Variants in PHLDB2 observed in about 807,000 individuals in gnomAD.
The protein encoded by PHLDB2 is pleckstrin homology like domain family B member 2.
In PHLDB2, 71 loss-of-function variants were observed where a neutral mutation model predicts 123.6. The ratio of observed to expected loss-of-function variants is 0.57; its 90% confidence interval spans 0.47 to 0.70. The LOEUF is 0.70. PHLDB2 is among the 30% of genes least tolerant of loss of function. The probability of loss-of-function intolerance (pLI) is 0.00; values close to 1 mark genes in which losing one functional copy is unlikely to be tolerated. For missense variants in PHLDB2, 1,446 were observed against 1,519.5 expected, an observed-to-expected ratio of 0.95 and a Z score of 0.80; for synonymous variants, 547 against 541.6, an observed-to-expected ratio of 1.01 and a Z score of -0.14.
At chr3:111,859,955 C>T (rs940615794) in intron 1 of PHLDB2, 1 of 971,086 alleles carries the variant, frequency 1.0e-6, no homozygotes, top group Non-Finnish European at 1.2e-6. Flanking sequence ...CTGGGGTCGG[C>T]AGTGCCCAGG....
intron 1 of PHLDB2, among the ~76,000 whole-genome samples, chr3:111,877,038 A>G (rs1457377962): frequency 6.6e-6 from 1 of 152,166 alleles, no homozygotes; most frequent in African/African-American, 2.4e-5. Flanking sequence ...ATACGCTTGC[A>G]TGTGTCTTTA....
At chr3:111,948,729 A>C (rs893060378) in intron 9 of PHLDB2, among the ~76,000 whole-genome samples, 1 of 152,170 alleles carries the variant, frequency 6.6e-6, no homozygotes, top group African/African-American at 2.4e-5. Flanking sequence ...AATTATGTTT[A>C]ATACTTAGAA....
chr3:111,871,267 T>A (rs1351990623), intron 1 of PHLDB2, among the ~76,000 whole-genome samples: 1 of 152,188 alleles, frequency 6.6e-6, no homozygotes. Flanking sequence ...ATAATTGCAT[T>A]TATGTAGGCC....
rs144531330 is a variant in PHLDB2, at chr3:111,740,614, C to T, written c.-49+7911C>T. ...CTCTTGGGAAGAAGGATAGATAACA[C>T]GTAACACAATATATAATGCTTAGTT... On this transcript the variant is annotated intron_variant, in intron 1 of 17. Coordinates refer to the PHLDB2 transcript ENST00000393923. Among the ~76,000 whole-genome samples the T allele has an allele frequency of 1.6e-3, 250 of 152,234 alleles. 1 individual carries two copies. Among genetic ancestry groups the T allele is most frequent in the African/African-American group, 5.7e-3 (235 of 41,536 alleles).
At position 111,967,671 on chromosome 3, in the gene PHLDB2, T is replaced by A; in HGVS notation, c.3169-7T>A. 6.2e-7 allele frequency: 1 copy of A among 1,602,146 alleles called. No individual in the cohort carries two copies. Among genetic ancestry groups the A allele is most frequent in the Non-Finnish European group, 8.5e-7 (1 of 1,176,292 alleles). On this transcript the variant is annotated splice_region_variant and splice_polypyrimidine_tract_variant and intron_variant, in intron 14 of 17. Coordinates refer to ENST00000431670, the MANE Select transcript of PHLDB2 (RefSeq NM_001134438.2). Reference sequence around the variant, plus strand: ...TTAAAATAATCATTGTTATGCATAATGTTTAGGAACGGGAAATGGAAGCCA... The same window carrying A: ...TTAAAATAATCATTGTTATGCATAAAGTTTAGGAACGGGAAATGGAAGCCA...
intron 1 of PHLDB2, 115 bp downstream of exon 1, chr3:111,859,691 G>C (rs892314744): frequency 1.5e-5 from 15 of 985,460 alleles, no homozygotes; most frequent in Middle Eastern, 5.2e-4. Context: ...CGCCGGTTGC[G>C]CTGCGGAGGG....
intron 1 of PHLDB2, among the ~76,000 whole-genome samples, chr3:111,808,351 A>G (rs1165332319): frequency 6.6e-6 from 1 of 152,132 alleles, no homozygotes; most frequent in African/African-American, 2.4e-5. Context: ...ATGTTTGTGC[A>G]ATCAAACATA....
chr3:111,923,672 C>G (rs534486791), intron 5 of PHLDB2, among the ~76,000 whole-genome samples: 49 of 152,194 alleles, frequency 3.2e-4, no homozygotes, highest in South Asian at 1.2e-3. Flanking sequence ...TTTTTCCAAC[C>G]AGGAGATTGC....
chr3:111,787,714 T>C (rs1421967982), intron 1 of PHLDB2, among the ~76,000 whole-genome samples: 1 of 152,076 alleles, frequency 6.6e-6, no homozygotes, highest in Non-Finnish European at 1.5e-5. Flanking sequence ...AGAGGACACA[T>C]GGGAGATAGG....
At chr3:111,763,699 G>T (rs540377404) in intron 1 of PHLDB2, among the ~76,000 whole-genome samples, 1 of 152,074 alleles carries the variant, frequency 6.6e-6, no homozygotes, top group Non-Finnish European at 1.5e-5. Context: ...GAGGTGATTC[G>T]ATCACGAGGA....
intron 13 of PHLDB2, among the ~76,000 whole-genome samples, chr3:111,962,579 T>TA (rs1307003929): frequency 1.3e-5 from 2 of 152,308 alleles, no homozygotes; most frequent in East Asian, 1.9e-4. Context: ...CACTGTGCTT[T>TA]AAAATTGATT....
At chr3:111,963,871 T>C (rs570142944) in intron 13 of PHLDB2, among the ~76,000 whole-genome samples, 13 of 152,348 alleles carry the variant, frequency 8.5e-5, no homozygotes, top group African/African-American at 3.1e-4. Flanking sequence ...TTTATCAAAA[T>C]ACACATTCCA....
rs2071447973 is a variant in PHLDB2, at chr3:111,962,151, T to A, written c.2916T>A (p.Ser972=). The change falls in exon 13 of 18, where the codon TCT becomes TCA. Residue 972 remains serine (S), a synonymous_variant. Coordinates refer to ENST00000431670, the MANE Select transcript of PHLDB2 (RefSeq NM_001134438.2). Reference sequence around the variant, plus strand: ...TGAGTGAAGGACACAGGCAGAAATCTGAATTTTATAACCGCACAGCATCTG... The same window carrying A: ...TGAGTGAAGGACACAGGCAGAAATCAGAATTTTATAACCGCACAGCATCTG... ...QQMSEGHRQK[S]EFYNRTASES... 6.3e-7 allele frequency: 1 copy of A among 1,583,540 alleles called. No homozygotes were observed. The highest frequency in any genetic ancestry group is 1.4e-5 in the African/African-American group (1 of 72,512).
chr3:111,733,240 AT>A (rs1941563592), intron 1 of PHLDB2, among the ~76,000 whole-genome samples: 3 of 152,190 alleles, frequency 2.0e-5, no homozygotes, highest in African/African-American at 7.2e-5. Flanking sequence ...AAGTCCTGAA[AT>A]TACTGGAGCA....
chr3:111,962,946 A>C (rs712522), intron 13 of PHLDB2, among the ~76,000 whole-genome samples: 1 of 143,546 alleles, frequency 7.0e-6, no homozygotes, highest in African/African-American at 2.7e-5. Flanking sequence ...AAAAAAAAAA[A>C]AAAGAAAGAA....
intron 1 of PHLDB2, among the ~76,000 whole-genome samples, chr3:111,868,055 A>G (rs905985004): frequency 6.6e-6 from 1 of 151,908 alleles, no homozygotes; most frequent in Non-Finnish European, 1.5e-5. Context: ...ACTGGAGAGC[A>G]GTGGCATGAT....
intron 1 of PHLDB2, among the ~76,000 whole-genome samples, chr3:111,791,722 G>A (rs1190761306): frequency 6.6e-6 from 1 of 151,904 alleles, no homozygotes; most frequent in Admixed American, 6.6e-5. Flanking sequence ...TATTTATGGG[G>A]TACATGTGAT....
At chr3:111,871,402 T>C (rs1227119056) in intron 1 of PHLDB2, among the ~76,000 whole-genome samples, 2 of 152,128 alleles carry the variant, frequency 1.3e-5, no homozygotes, top group Non-Finnish European at 2.9e-5. Context: ...ATCCTAGCAC[T>C]TTTGGGAGGC....
Position 111,884,105 on chromosome 3 carries a change from G to T in PHLDB2, c.28G>T (p.Glu10Ter). 1 of 1,613,798 alleles carries T rather than the reference G, an allele frequency of 6.2e-7. No individual in the cohort carries two copies. The highest frequency in any genetic ancestry group is 8.5e-7 in the Non-Finnish European group (1 of 1,179,748). Residue 10 changes from glutamate (E) to a stop codon, truncating the protein, a stop_gained, in exon 2 of 18, where the codon GAG (glutamate) becomes TAG (stop). Transcript: ENST00000431670. LOFTEE classifies it high-confidence loss of function. ...GGAAGAGCATAGCTACATACAAAAG[G>T]AGCTAGATTTACAAAATGGTAGCTT... MEEHSYIQKELDLQNGSLEE... is the reference protein window; with the variant it reads MEEHSYIQK
Sources: gnomAD v4.1 joint callset for allele counts (sites outside exome capture counted in the v4.1 genomes callset) on GRCh38, gnomAD v4.1.1 for gene constraint, MANE v1.5 for transcripts, NCBI Gene and HGNC (gene_info 2026-07-23, HGNC 2026-07-21) for gene names.